Variants in VPS13B observed in about 807,000 individuals in gnomAD.
VPS13B encodes vacuolar protein sorting 13 homolog B.
In VPS13B, 285 loss-of-function variants were observed where a neutral mutation model predicts 426.4. That is an observed-to-expected ratio of 0.67 (90% CI 0.61 to 0.74). VPS13B has a LOEUF of 0.74. Among genes scored for constraint, VPS13B ranks in the 30% least tolerant of loss-of-function variants. The pLI, the probability that VPS13B is intolerant of heterozygous loss-of-function variation, is 0.00. For missense variants in VPS13B, 4,537 were observed against 4,782.6 expected, an observed-to-expected ratio of 0.95 and a Z score of 1.51; for synonymous variants, 1,676 against 1,676.4, an observed-to-expected ratio of 1.00 and a Z score of 0.01.
intron 17 of VPS13B, among the ~76,000 whole-genome samples, chr8:99,271,092 T>G (rs774046428): frequency 2.6e-5 from 4 of 152,062 alleles, no homozygotes; most frequent in Non-Finnish European, 4.4e-5. Context: ...AAACTAGGCA[T>G]CATGCATGGC....
intron 42 of VPS13B, among the ~76,000 whole-genome samples, chr8:99,781,732 G>GT (rs902588440): frequency 5.9e-5 from 9 of 151,898 alleles, no homozygotes; most frequent in Non-Finnish European, 1.0e-4. Context: ...GTAATATGAT[G>GT]TTTTTTTTCT....
chr8:99,789,150 A>G lies in VPS13B; in HGVS notation c.7941+4674A>G, dbSNP rs180717520. 6.2e-4 allele frequency among the ~76,000 whole-genome samples: 95 copies of G among 152,298 alleles called. 1 individual carries two copies. In the East Asian group the frequency reaches 0.017, roughly 27 times the overall value. On this transcript the variant is annotated intron_variant, in intron 43 of 61. Transcript: ENST00000357162. ...AATTTTTTCATTTGTCTAAAACGGA[A>G]AGCAACAGGTTTTGAGTATCTGCCT...
intron 24 of VPS13B, among the ~76,000 whole-genome samples, chr8:99,469,467 T>C (rs1200782300): frequency 1.3e-5 from 2 of 152,122 alleles, no homozygotes; most frequent in Non-Finnish European, 2.9e-5. Context: ...GTGAGCACCA[T>C]GCCATAAGGT....
At chr8:99,826,517 A>C (rs939157374) in intron 51 of VPS13B, among the ~76,000 whole-genome samples, 7 of 152,248 alleles carry the variant, frequency 4.6e-5, no homozygotes, top group Admixed American at 1.3e-4. Context: ...ATCTGCAAAC[A>C]GAGACAATTT....
rs1832291263 is a variant in VPS13B, at chr8:99,701,736, A to G, written c.6454+1804A>G. ...AATTATTTGCATCAAGTCAAATCAG[A>G]GTTGAGATTAGCTACTTAATAGTAA... On this transcript the variant is annotated intron_variant, in intron 36 of 61. Coordinates refer to ENST00000357162, the MANE Select transcript of VPS13B (RefSeq NM_152564.5). Among the ~76,000 whole-genome samples, 6 of 152,166 alleles carry G rather than the reference A, an allele frequency of 3.9e-5. No homozygotes were observed. In the South Asian group the frequency reaches 1.2e-3, roughly 32 times the overall value.
chr8:99,040,373 G>A (rs1318253679), intron 3 of VPS13B, among the ~76,000 whole-genome samples: 1 of 152,148 alleles, frequency 6.6e-6, no homozygotes, highest in Non-Finnish European at 1.5e-5. Context: ...TGTCATGAAT[G>A]TAAACCACTC....
rs559163094 is a variant in VPS13B at position 99,051,302 on chromosome 8, C to G, written c.291+12736C>G. ...TAAATAGGGAATCGTTTCCCCATTT[C>G]TGGTTTTTGTCAGGTCTGTCAAAGG... On this transcript the variant is annotated intron_variant, in intron 3 of 61. Coordinates refer to ENST00000357162, the MANE Select transcript of VPS13B (RefSeq NM_152564.5). Among the ~76,000 whole-genome samples the G allele has an allele frequency of 5.2e-3, 792 of 152,314 alleles. 5 individuals are homozygous for G. Among genetic ancestry groups the G allele is most frequent in the African/African-American group, 0.018 (730 of 41,562 alleles).
rs367797468 is a variant in VPS13B at position 99,859,437 on chromosome 8, C to A, written c.11001C>A (p.Gly3667=). The A allele has an allele frequency of 6.2e-7, 1 of 1,613,962 alleles. No homozygotes were observed. Among genetic ancestry groups the A allele is most frequent in the Non-Finnish European group, 8.5e-7 (1 of 1,180,016 alleles). ...GGGGCCCTGGAGCCTTCGTGAGTGG[C>A]GTCTCCAGAGGGACCACATCGTTTG... is the stretch of plus-strand genomic sequence containing the variant. ...LTRGPGAFVS[G]VSRGTTSFVK... is the part of the protein sequence containing the mutation. The change falls in exon 57 of 62, where the codon GGC becomes GGA. Residue 3667 remains glycine (G), a synonymous_variant. Transcript: ENST00000357162.
At chr8:99,019,885 G>A (rs1414879263) in intron 2 of VPS13B, among the ~76,000 whole-genome samples, 8 of 152,064 alleles carry the variant, frequency 5.3e-5, no homozygotes, top group East Asian at 1.9e-4. Flanking sequence ...TCATTTATTC[G>A]TTGATGGATA....
intron 21 of VPS13B, among the ~76,000 whole-genome samples, chr8:99,401,499 A>G (rs1815034198): frequency 1.3e-5 from 2 of 152,192 alleles, no homozygotes; most frequent in Non-Finnish European, 2.9e-5. Context: ...GTTCCTTTGT[A>G]TACTTAACAT....
chr8:99,407,349 A>G (rs1815387842), intron 21 of VPS13B, among the ~76,000 whole-genome samples: 1 of 152,282 alleles, frequency 6.6e-6, no homozygotes, highest in South Asian at 2.1e-4. Context: ...ATGAATGATA[A>G]TAGCTTCTTT....
intron 30 of VPS13B, among the ~76,000 whole-genome samples, chr8:99,550,738 T>C (rs942887999): frequency 2.0e-5 from 3 of 152,100 alleles, no homozygotes; most frequent in African/African-American, 7.2e-5. Context: ...CAATGTTTAA[T>C]GCATAACATT....
At chr8:99,063,682 T>C (rs1287939873) in intron 3 of VPS13B, among the ~76,000 whole-genome samples, 1 of 152,208 alleles carries the variant, frequency 6.6e-6, no homozygotes, top group Non-Finnish European at 1.5e-5. Context: ...TCTTCAGACT[T>C]AAACGTCTCT....
At chr8:99,214,450 A>C (rs1396823467) in intron 17 of VPS13B, among the ~76,000 whole-genome samples, 2 of 152,146 alleles carry the variant, frequency 1.3e-5, no homozygotes, top group Non-Finnish European at 2.9e-5. Context: ...TACTTATCAG[A>C]TTTTTCATGT....
intron 3 of VPS13B, among the ~76,000 whole-genome samples, chr8:99,077,725 A>G (rs1845211449): frequency 6.6e-6 from 1 of 151,814 alleles, no homozygotes; most frequent in African/African-American, 2.4e-5. Flanking sequence ...TTCTGGTAGA[A>G]TCCGTTTGGG....
At chr8:99,487,884 T>C (rs1820395314) in intron 25 of VPS13B, among the ~76,000 whole-genome samples, 1 of 152,182 alleles carries the variant, frequency 6.6e-6, no homozygotes, top group African/African-American at 2.4e-5. Flanking sequence ...CCCTTTTGTC[T>C]GTTGTGGATA....
intron 51 of VPS13B, among the ~76,000 whole-genome samples, chr8:99,831,279 G>A (rs1427342159): frequency 6.6e-6 from 1 of 151,630 alleles, no homozygotes; most frequent in Non-Finnish European, 1.5e-5. Flanking sequence ...CACCATGTTG[G>A]CCAGGCTGGT....
At chr8:99,818,925 C>T (rs571564455) in intron 47 of VPS13B, 37 bp downstream of exon 47, 11 of 1,344,362 alleles carry the variant, frequency 8.2e-6, no homozygotes, top group South Asian at 4.6e-5. Flanking sequence ...TTACATTTTC[C>T]TAGGAGAAAT....
Position 99,537,529 on chromosome 8 carries a change from C to T in VPS13B, c.4745+16519C>T, listed in dbSNP as rs16897441. ...ACATTATGCAGTTACAGTACCTTAT[C>T]AGTGGAGCTCGACTTCTACGCTGCA... On this transcript the variant is annotated intron_variant, in intron 30 of 61. Coordinates refer to ENST00000357162, the MANE Select transcript of VPS13B (RefSeq NM_152564.5). 9.4e-3 allele frequency among the ~76,000 whole-genome samples: 1,430 copies of T among 152,312 alleles called. 31 individuals are homozygous for T. Among genetic ancestry groups the T allele is most frequent in the African/African-American group, 0.033 (1,364 of 41,566 alleles).
Sources: gnomAD v4.1 joint callset for allele counts (sites outside exome capture counted in the v4.1 genomes callset) on GRCh38, gnomAD v4.1.1 for gene constraint, MANE v1.5 for transcripts, NCBI Gene and HGNC (gene_info 2026-07-23, HGNC 2026-07-21) for gene names.